NDST4: variants seen among roughly 807,000 people sequenced by gnomAD.
NDST4 encodes N-heparan sulfate sulfotransferase 4.
Under a neutral mutation model 100.8 loss-of-function variants are expected in NDST4, and 63 were observed. The ratio of observed to expected loss-of-function variants is 0.62; its 90% CI spans 0.51 to 0.77. NDST4 has a LOEUF of 0.77. Ranked by LOEUF, NDST4 falls within the 30% of genes least tolerant of loss-of-function variation. The pLI is 0.00. For missense variants in NDST4, 943 were observed against 1,018.4 expected (o/e 0.93, Z 1.01); for synonymous variants, 377 against 361.8 (o/e 1.04, Z -0.48).
chr4:114,972,472 A>AT (rs1268446816), intron 3 of NDST4, among the ~76,000 whole-genome samples: 10 of 152,070 alleles, frequency 6.6e-5, no homozygotes, highest in Admixed American at 1.3e-4. Context: ...GGATTTCTTA[A>AT]TTTTTGTTTT....
At chr4:114,923,124 G>A (rs1458946416) in intron 6 of NDST4, among the ~76,000 whole-genome samples, 3 of 152,104 alleles carry the variant, frequency 2.0e-5, no homozygotes, top group Non-Finnish European at 4.4e-5. Context: ...TGGAACTCCA[G>A]GTCACCATTA....
intron 2 of NDST4, among the ~76,000 whole-genome samples, chr4:115,030,579 T>C (rs1190466306): frequency 6.6e-6 from 1 of 152,014 alleles, no homozygotes; most frequent in Non-Finnish European, 1.5e-5. Flanking sequence ...AGAAATATAA[T>C]AAAACAGAAA....
At chr4:114,953,710 A>C (rs1033573894) in intron 4 of NDST4, among the ~76,000 whole-genome samples, 9 of 152,182 alleles carry the variant, frequency 5.9e-5, no homozygotes, top group Admixed American at 5.2e-4. Flanking sequence ...AAAACAATAA[A>C]TAACTCAAAT....
intron 6 of NDST4, among the ~76,000 whole-genome samples, chr4:114,929,120 CTATCTATCT>C (rs1725456961): frequency 3.0e-5 from 4 of 133,326 alleles, no homozygotes; most frequent in Middle Eastern, 3.7e-3. Flanking sequence ...ATCCATCTAT[CTATCTATCT>C]ATCTATCTAT....
intron 6 of NDST4, among the ~76,000 whole-genome samples, chr4:114,894,782 A>G (rs1415005929): frequency 6.6e-6 from 1 of 152,122 alleles, no homozygotes; most frequent in Non-Finnish European, 1.5e-5. Flanking sequence ...ACTATGTTAA[A>G]TAGGAGTGGT....
chr4:115,023,972 T>G (rs1727922218), intron 2 of NDST4, among the ~76,000 whole-genome samples: 1 of 152,068 alleles, frequency 6.6e-6, no homozygotes, highest in Non-Finnish European at 1.5e-5. Flanking sequence ...CACGCTCAAG[T>G]GGCCCCAGGT....
intron 6 of NDST4, among the ~76,000 whole-genome samples, chr4:114,904,471 T>C (rs557801310): frequency 6.6e-6 from 1 of 152,054 alleles, no homozygotes; most frequent in South Asian, 2.1e-4. Context: ...GCACCAATAA[T>C]ACATGTTCTC....
intron 6 of NDST4, among the ~76,000 whole-genome samples, chr4:114,928,875 G>A (rs1725436397): frequency 6.6e-6 from 1 of 152,010 alleles, no homozygotes; most frequent in Non-Finnish European, 1.5e-5. Context: ...TCTTGAGGCT[G>A]CTGGCATTTG....
At chr4:115,084,755 C>T (rs796998784) in intron 1 of NDST4, among the ~76,000 whole-genome samples, 3 of 152,172 alleles carry the variant, frequency 2.0e-5, no homozygotes, top group Non-Finnish European at 2.9e-5. Flanking sequence ...AGAACCTCCG[C>T]CTATAATTCA....
chr4:114,917,134 C>A (rs1376781203), intron 6 of NDST4, among the ~76,000 whole-genome samples: 1 of 152,048 alleles, frequency 6.6e-6, no homozygotes, highest in African/African-American at 2.4e-5. Context: ...ATATTTAAAT[C>A]ATCTCTAGAT....
intron 2 of NDST4, among the ~76,000 whole-genome samples, chr4:115,034,522 C>T (rs527602384): frequency 6.6e-6 from 1 of 152,006 alleles, no homozygotes; most frequent in African/African-American, 2.4e-5. Flanking sequence ...ATTTGAGTCA[C>T]ATTTGAAGTG....
chr4:115,082,595 G>A (rs1729325704), intron 1 of NDST4, among the ~76,000 whole-genome samples: 1 of 152,124 alleles, frequency 6.6e-6, no homozygotes, highest in African/African-American at 2.4e-5. Flanking sequence ...CAAGAGCAAC[G>A]ACGTTTACCA....
At chr4:115,078,724 C>T (rs1346013621) in intron 1 of NDST4, among the ~76,000 whole-genome samples, 1 of 151,884 alleles carries the variant, frequency 6.6e-6, no homozygotes, top group Admixed American at 6.6e-5. Context: ...GCCTGTAATC[C>T]CAACTACTCA....
At chr4:115,052,173 A>G (rs1728596780) in intron 2 of NDST4, among the ~76,000 whole-genome samples, 1 of 152,176 alleles carries the variant, frequency 6.6e-6, no homozygotes, top group Non-Finnish European at 1.5e-5. Context: ...GATAGATTGA[A>G]TTAATATTTA....
chr4:114,926,301 T>C (rs1241964530), intron 6 of NDST4, among the ~76,000 whole-genome samples: 1 of 152,120 alleles, frequency 6.6e-6, no homozygotes, highest in Non-Finnish European at 1.5e-5. Context: ...CATTTAATTT[T>C]CAATTGTTAG....
intron 7 of NDST4, among the ~76,000 whole-genome samples, chr4:114,862,022 C>T (rs976547417): frequency 6.6e-6 from 1 of 152,070 alleles, no homozygotes; most frequent in African/African-American, 2.4e-5. Context: ...AATTCTATGT[C>T]AACTAGAATG....
chr4:115,091,636 G>C (rs1729522627), intron 1 of NDST4, among the ~76,000 whole-genome samples: 1 of 151,984 alleles, frequency 6.6e-6, no homozygotes, highest in African/African-American at 2.4e-5. Context: ...ACATTATGTG[G>C]TTCCATTATA....
intron 3 of NDST4, among the ~76,000 whole-genome samples, chr4:114,975,290 A>ATTTTTT (rs150581247): frequency 8.1e-4 from 124 of 152,200 alleles, no homozygotes; most frequent in African/African-American, 2.9e-3. Flanking sequence ...AAAATGACAT[A>ATTTTTT]TTTATGTGAA....
chr4:115,077,574 GAAGT>G (rs951141869), intron 1 of NDST4, among the ~76,000 whole-genome samples: 3 of 152,134 alleles, frequency 2.0e-5, no homozygotes, highest in African/African-American at 4.8e-5. Flanking sequence ...AAAAAGAAAA[GAAGT>G]AAGAAAGTAA....
Sources: gnomAD v4.1 joint callset for allele counts (sites outside exome capture counted in the v4.1 genomes callset) on GRCh38, gnomAD v4.1.1 for gene constraint, MANE v1.5 for transcripts, NCBI Gene and HGNC (gene_info 2026-07-23, HGNC 2026-07-21) for gene names.